SLC2A9: variants seen among roughly 807,000 people sequenced by gnomAD.
SLC2A9 encodes the protein solute carrier family 2 member 9.
SLC2A9 carries 39 observed loss-of-function variants against 50.6 expected under a neutral mutation model. The ratio of observed to expected loss-of-function variants is 0.77; its 90% CI spans 0.60 to 1.01. The LOEUF is 1.01. Among genes scored for constraint, SLC2A9 ranks in the 50% least tolerant of loss-of-function variants. SLC2A9 has a pLI of 0.00. For synonymous variants in SLC2A9, 324 were observed against 276.9 expected, an observed-to-expected ratio of 1.17 and a Z score of -1.69; for missense variants, 686 against 677.6, an observed-to-expected ratio of 1.01 and a Z score of -0.14.
chr4:9,841,544 A>G (rs1201724124), intron 10 of SLC2A9, among the ~76,000 whole-genome samples: 1 of 151,946 alleles, frequency 6.6e-6, no homozygotes, highest in African/African-American at 2.4e-5. Context: ...TTTATCTTCT[A>G]GTTTATCTTG....
At chr4:9,951,278 G>A (rs1024849870) in intron 5 of SLC2A9, among the ~76,000 whole-genome samples, 1 of 151,900 alleles carries the variant, frequency 6.6e-6, no homozygotes, top group Admixed American at 6.6e-5. Flanking sequence ...CTTATATGTG[G>A]AAGCTAAAAA....
At chr4:9,778,053 TTTCCTTCCTTCCTTCC>T (rs1163039690), downstream of SLC2A9, among the ~76,000 whole-genome samples, 5 of 14,052 alleles carry the variant, frequency 3.6e-4, no homozygotes, top group African/African-American at 1.0e-3. Context: ...TCTTTCTTTC[TTTCCTTCCTTCCTTCC>T]TTCCTTCCTT....
chr4:9,869,839 T>C (rs1733119743), intron 10 of SLC2A9, among the ~76,000 whole-genome samples: 1 of 152,242 alleles, frequency 6.6e-6, no homozygotes, highest in African/African-American at 2.4e-5. Context: ...TCCAGTGCAG[T>C]GGGCTGAGTG....
At chr4:9,964,788 A>C (rs1263408838) in intron 5 of SLC2A9, among the ~76,000 whole-genome samples, 1 of 152,160 alleles carries the variant, frequency 6.6e-6, no homozygotes, top group African/African-American at 2.4e-5. Context: ...GTTTTGCTCA[A>C]ATTCCTATAC....
chr4:9,997,278 A>C (rs896663648), intron 2 of SLC2A9, among the ~76,000 whole-genome samples: 1 of 152,160 alleles, frequency 6.6e-6, no homozygotes, highest in African/African-American at 2.4e-5. Flanking sequence ...CAGGGAGACA[A>C]AGTGACTTGC....
At chr4:9,908,169 T>G (rs917786422) in intron 8 of SLC2A9, 66 bp downstream of exon 8, 1 of 1,092,564 alleles carries the variant, frequency 9.2e-7, no homozygotes, top group African/African-American at 1.5e-5. Context: ...AAGGACCTTA[T>G]GAACATTCCC....
At chr4:9,802,744 G>A (rs1204867713) in intron 3 of SLC2A9, among the ~76,000 whole-genome samples, 1 of 151,846 alleles carries the variant, frequency 6.6e-6, no homozygotes, top group Non-Finnish European at 1.5e-5. Context: ...TGTATTTTTA[G>A]TAGAGATGGA....
At chr4:10,027,412 T>A (rs1261864372) in intron 1 of SLC2A9, among the ~76,000 whole-genome samples, 4 of 152,176 alleles carry the variant, frequency 2.6e-5, no homozygotes, top group African/African-American at 9.7e-5. Context: ...CTGCTCCCTG[T>A]TACAGCAAAA....
At chr4:9,953,921 T>C (rs4305511) in intron 5 of SLC2A9, among the ~76,000 whole-genome samples, 1 of 151,686 alleles carries the variant, frequency 6.6e-6, no homozygotes, top group Non-Finnish European at 1.5e-5. Flanking sequence ...GCAATTCTCC[T>C]GCCTCAGCCT....
chr4:9,887,531 C>T lies in SLC2A9; in HGVS notation c.1291+36G>A, dbSNP rs1353109650. ...CCCCAGCTTGGTGATGCCATGAGTC[C>T]CTGGGCGGGGCAGTGGGGAGGGTGG... On this transcript the variant is annotated intron_variant, in intron 10 of 11. Coordinates refer to ENST00000264784, the MANE Select transcript of SLC2A9 (RefSeq NM_020041.3). The T allele has an allele frequency of 3.2e-6, 5 of 1,539,704 alleles. No individual in the cohort carries two copies. The Admixed American group carries it at 9.9e-5, about 30-fold the overall frequency.
At chr4:9,846,348 T>G (rs1728992294) in intron 10 of SLC2A9, among the ~76,000 whole-genome samples, 1 of 152,168 alleles carries the variant, frequency 6.6e-6, no homozygotes, top group African/African-American at 2.4e-5. Flanking sequence ...CCTCACAGGA[T>G]GTATGCCAGG....
rs1560186501 is a variant in SLC2A9 at position 9,847,484 on chromosome 4, G to A, written c.1292-12476C>T. 4.6e-5 allele frequency among the ~76,000 whole-genome samples: 7 copies of A among 152,190 alleles called. No individual in the cohort carries two copies. In the South Asian group the frequency reaches 1.5e-3, roughly 32 times the overall value. ...CATGAGATTTGGGTGGGCACACAGA[G>A]CCAAACCATATTGGCAAAGGCCCAA... On this transcript the variant is annotated intron_variant, in intron 10 of 11. Transcript: ENST00000264784.
chr4:9,775,248 T>C (rs1717397119), downstream of SLC2A9, among the ~76,000 whole-genome samples: 1 of 152,180 alleles, frequency 6.6e-6, no homozygotes, highest in African/African-American at 2.4e-5. Flanking sequence ...TCTCACAGCA[T>C]GGTGGCTGGG....
intron 6 of SLC2A9, among the ~76,000 whole-genome samples, chr4:9,932,899 G>A (rs1443015459): frequency 6.6e-6 from 1 of 152,228 alleles, no homozygotes; most frequent in African/African-American, 2.4e-5. Context: ...ATCGTTAGAG[G>A]AAGAAAGGAC....
chr4:9,826,687 T>G, intron 11 of SLC2A9, 87 bp from the exon 12 acceptor site: 1 of 1,225,654 alleles, frequency 8.2e-7, no homozygotes, highest in Admixed American at 1.8e-5. Flanking sequence ...TTAAGATAGC[T>G]CCACATTCAT....
chr4:9,806,737 G>A (rs538084085), intron 3 of SLC2A9, among the ~76,000 whole-genome samples: 1 of 152,186 alleles, frequency 6.6e-6, no homozygotes, highest in Admixed American at 6.5e-5. Context: ...TAGCTTCACA[G>A]CAACCTGGGA....
intron 10 of SLC2A9, among the ~76,000 whole-genome samples, chr4:9,838,810 T>A (rs999078998): frequency 1.3e-5 from 2 of 152,106 alleles, no homozygotes; most frequent in African/African-American, 4.8e-5. Context: ...TTGCAGAAGA[T>A]TGAAACTGGA....
intron 11 of SLC2A9, among the ~76,000 whole-genome samples, chr4:9,826,895 G>C (rs1305642812): frequency 1.3e-5 from 2 of 152,154 alleles, no homozygotes; most frequent in African/African-American, 2.4e-5. Flanking sequence ...AAAATGGAAT[G>C]CTTGCTGAAT....
At chr4:9,957,078 G>T (rs552109181) in intron 5 of SLC2A9, among the ~76,000 whole-genome samples, 1 of 152,198 alleles carries the variant, frequency 6.6e-6, no homozygotes, top group South Asian at 2.1e-4. Context: ...CAGAGTTTTG[G>T]TGGCAGGCCT....
Sources: allele counts gnomAD v4.1 joint callset (sites outside exome capture counted in the v4.1 genomes callset), GRCh38; gene constraint gnomAD v4.1.1; transcripts MANE v1.5; gene names NCBI Gene and HGNC (gene_info 2026-07-23, HGNC 2026-07-21).